Variants in EIF4G3 observed in about 807,000 individuals in gnomAD.
The protein encoded by EIF4G3 is eIF-4-gamma 3.
In EIF4G3, 34 loss-of-function variants were observed where a neutral mutation model predicts 186.4. That is an observed-to-expected ratio of 0.18 (90% CI 0.14 to 0.24). The LOEUF (loss-of-function observed/expected upper bound fraction) is 0.24, where lower values mean the gene tolerates loss of function less well. EIF4G3 is among the 10% of genes least tolerant of loss of function. The pLI is 1.00. For missense variants in EIF4G3, 1,536 were observed against 1,948.5 expected (o/e 0.79, Z 3.99); for synonymous variants, 673 against 679.5 (o/e 0.99, Z 0.15).
chr1:21,122,705 G>A (rs1028818007), intron 2 of EIF4G3, among the ~76,000 whole-genome samples: 1 of 151,974 alleles, frequency 6.6e-6, no homozygotes. Flanking sequence ...CAATAATATC[G>A]AGCACTTTCA....
intron 25 of EIF4G3, among the ~76,000 whole-genome samples, chr1:20,856,186 T>C (rs1013055108): frequency 1.4e-4 from 21 of 152,198 alleles, no homozygotes; most frequent in African/African-American, 5.1e-4. Context: ...AATTACATTA[T>C]TAAGAGAGAT....
chr1:20,973,183 A>G, intron 10 of EIF4G3, 84 bp from the exon 11 acceptor site: 1 of 1,001,036 alleles, frequency 1.0e-6, no homozygotes, highest in Non-Finnish European at 1.5e-6. Flanking sequence ...GTCTCTGCAC[A>G]ATCCCCTTAA....
chr1:21,142,944 A>T (rs2097365463), intron 2 of EIF4G3, among the ~76,000 whole-genome samples: 1 of 152,136 alleles, frequency 6.6e-6, no homozygotes, highest in Non-Finnish European at 1.5e-5. Context: ...TTACTAAAGA[A>T]ATTACATTAA....
At chr1:21,082,226 G>T (rs942644010) in intron 3 of EIF4G3, among the ~76,000 whole-genome samples, 1 of 150,076 alleles carries the variant, frequency 6.7e-6, no homozygotes, top group Non-Finnish European at 1.5e-5. Flanking sequence ...GACTGGCCAG[G>T]AGCCTTTCAA....
At chr1:21,099,068 G>T (rs1026771835) in intron 2 of EIF4G3, among the ~76,000 whole-genome samples, 1 of 152,090 alleles carries the variant, frequency 6.6e-6, no homozygotes, top group Non-Finnish European at 1.5e-5. Flanking sequence ...ACCAAAACGA[G>T]ATATCACTAT....
intron 4 of EIF4G3, chr1:21,003,840 A>AG: frequency 2.8e-6 from 1 of 356,652 alleles, no homozygotes; most frequent in South Asian, 2.3e-5. Flanking sequence ...GGTTAGAAAC[A>AG]GGAAAGCATG....
intron 34 of EIF4G3, among the ~76,000 whole-genome samples, chr1:20,813,947 GTTTT>G (rs576925301): frequency 2.6e-5 from 2 of 77,340 alleles, no homozygotes; most frequent in East Asian, 5.0e-4. Flanking sequence ...ATGAGTCACT[GTTTT>G]TTTTTTTTTT....
At chr1:20,901,098 C>T (rs1313674371) in intron 15 of EIF4G3, among the ~76,000 whole-genome samples, 1 of 152,090 alleles carries the variant, frequency 6.6e-6, no homozygotes, top group Non-Finnish European at 1.5e-5. Flanking sequence ...TATGCACAAA[C>T]ACCACCCCAC....
At chr1:20,878,543 T>A (rs1051441408) in intron 20 of EIF4G3, among the ~76,000 whole-genome samples, 1 of 152,214 alleles carries the variant, frequency 6.6e-6, no homozygotes, top group African/African-American at 2.4e-5. Context: ...ACCTTTGACA[T>A]AGGTAGTCAA....
At chr1:20,962,524 A>G (rs1232600475) in intron 12 of EIF4G3, among the ~76,000 whole-genome samples, 1 of 152,182 alleles carries the variant, frequency 6.6e-6, no homozygotes, top group Non-Finnish European at 1.5e-5. Context: ...GCATATCTTG[A>G]TATCAAAAAG....
chr1:21,140,703 C>T (rs2097322900), intron 2 of EIF4G3, among the ~76,000 whole-genome samples: 1 of 152,188 alleles, frequency 6.6e-6, no homozygotes, highest in African/African-American at 2.4e-5. Flanking sequence ...TATTTGAAAA[C>T]AAGACTATAT....
At chr1:20,981,585 GTA>G (rs2078079826) in intron 8 of EIF4G3, among the ~76,000 whole-genome samples, 2 of 124,778 alleles carry the variant, frequency 1.6e-5, no homozygotes, top group African/African-American at 3.1e-5. Context: ...CATACTGTAT[GTA>G]TACATACATG....
intron 19 of EIF4G3, among the ~76,000 whole-genome samples, chr1:20,881,337 T>C (rs1477934534): frequency 6.6e-6 from 1 of 152,166 alleles, no homozygotes; most frequent in African/African-American, 2.4e-5. Flanking sequence ...CAACAAAAAC[T>C]GGATCACAAA....
In EIF4G3 at chr1:20,981,095, G is replaced by A; in HGVS notation, c.331C>T (p.Pro111Ser). The change falls in exon 9 of 37, where the codon CCC becomes TCC. Residue 111 changes from proline to serine, a missense_variant. Physicochemically the swap from Pro to Ser is moderately conservative, Grantham distance 74. Coordinates refer to ENST00000602326, the MANE Select transcript of EIF4G3 (RefSeq NM_001391906.1). ...NQHIMMVNHL[P>S]MPYPVPQGPQ... ...CCCTGGGGCACTGGGTACGGCATGGGCAGATGGTTAACCATCATGATGTGC... is the reference window on the plus strand; with the variant it reads ...CCCTGGGGCACTGGGTACGGCATGGACAGATGGTTAACCATCATGATGTGC... 6.2e-7 allele frequency: 1 copy of A among 1,613,328 alleles called. No homozygotes were observed. Among genetic ancestry groups the A allele is most frequent in the Non-Finnish European group, 8.5e-7 (1 of 1,179,550 alleles).
At chr1:20,992,328 TA>T (rs1309124334) in intron 7 of EIF4G3, among the ~76,000 whole-genome samples, 2 of 122,810 alleles carry the variant, frequency 1.6e-5, no homozygotes, top group Admixed American at 9.3e-5. Context: ...TTGCCTATAG[TA>T]ACACAAATAT....
chr1:21,086,913 T>G (rs1431133442), intron 3 of EIF4G3, among the ~76,000 whole-genome samples: 2 of 143,532 alleles, frequency 1.4e-5, no homozygotes, highest in Non-Finnish European at 3.0e-5. Flanking sequence ...CACTCCAGCC[T>G]GGGCAACAGA....
intron 8 of EIF4G3, among the ~76,000 whole-genome samples, chr1:20,981,612 GTATGTATA>G (rs2078123597): frequency 8.8e-6 from 1 of 113,630 alleles, no homozygotes; most frequent in East Asian, 2.5e-4. Flanking sequence ...CGCACATACT[GTATGTATA>G]CATACATGTA....
At chr1:20,812,582 A>G in intron 35 of EIF4G3, among the ~76,000 whole-genome samples, 1 of 152,160 alleles carries the variant, frequency 6.6e-6, no homozygotes, top group Admixed American at 6.5e-5. Flanking sequence ...GAAACTAAAG[A>G]GATGTCTTCA....
At chr1:20,977,913 C>T (rs115794197) in intron 10 of EIF4G3, among the ~76,000 whole-genome samples, 3,712 of 152,180 alleles carry the variant, frequency 0.024, 78 homozygotes, top group Middle Eastern at 0.044. Context: ...TTAATGATGA[C>T]ATTTTCTGAG....
Sources: allele counts gnomAD v4.1 joint callset (sites outside exome capture counted in the v4.1 genomes callset), GRCh38; gene constraint gnomAD v4.1.1; transcripts MANE v1.5; gene names NCBI Gene and HGNC (gene_info 2026-07-23, HGNC 2026-07-21).